RABEP1: variants seen among roughly 807,000 people sequenced by gnomAD.
RABEP1 encodes rabaptin, RAB GTPase binding effector protein 1.
In RABEP1, 51 loss-of-function variants were observed where a neutral mutation model predicts 123.4. The ratio of observed to expected loss-of-function variants is 0.41; its 90% CI spans 0.33 to 0.52. The LOEUF (loss-of-function observed/expected upper bound fraction) is 0.52. Among genes scored for constraint, RABEP1 ranks in the 20% least tolerant of loss-of-function variants. RABEP1 has a pLI of 0.16. For synonymous variants in RABEP1, 347 were observed against 355.2 expected, an observed-to-expected ratio of 0.98 and a Z score of 0.26; for missense variants, 888 against 996.3, an observed-to-expected ratio of 0.89 and a Z score of 1.46.
intron 13 of RABEP1, among the ~76,000 whole-genome samples, chr17:5,375,407 G>A (rs756802382): frequency 1.3e-5 from 2 of 151,956 alleles, no homozygotes; most frequent in African/African-American, 2.4e-5. Flanking sequence ...AGAAGGTATC[G>A]GGGGCAGGGT....
chr17:5,325,448 GGTCTCACTT>G (rs1905878600), intron 2 of RABEP1, among the ~76,000 whole-genome samples: 1 of 152,106 alleles, frequency 6.6e-6, no homozygotes, highest in Non-Finnish European at 1.5e-5. Context: ...AGTATCACAT[GGTCTCACTT>G]GTGGAGGCTA....
At chr17:5,289,437 A>C in intron 1 of RABEP1, among the ~76,000 whole-genome samples, 1 of 145,808 alleles carries the variant, frequency 6.9e-6, no homozygotes, top group South Asian at 2.2e-4. Context: ...TTTTTTTTTA[A>C]ATTTATGGTT....
chr17:5,337,702 AATTT>A (rs1172643035), intron 4 of RABEP1, among the ~76,000 whole-genome samples: 3 of 152,130 alleles, frequency 2.0e-5, no homozygotes, highest in Admixed American at 6.6e-5. Context: ...CAAAAAAAAA[AATTT>A]ATTTATTATG....
chr17:5,337,281 C>T (rs996239219), intron 4 of RABEP1, among the ~76,000 whole-genome samples: 12 of 152,148 alleles, frequency 7.9e-5, no homozygotes, highest in Non-Finnish European at 5.9e-5. Context: ...AATTTTCTAA[C>T]ATTTTAGAAA....
intron 2 of RABEP1, among the ~76,000 whole-genome samples, chr17:5,311,796 G>A (rs542165835): frequency 1.3e-5 from 2 of 150,728 alleles, no homozygotes; most frequent in South Asian, 2.1e-4. Context: ...TCATTAAATC[G>A]TTAATCTCTG....
rs548281451 is a variant in RABEP1 at position 5,367,560 on chromosome 17, T to C, written c.1786-810T>C. Among the ~76,000 whole-genome samples, 114 of 145,722 alleles carry C rather than the reference T, an allele frequency of 7.8e-4. 1 individual carries two copies. Among genetic ancestry groups the C allele is most frequent in the East Asian group, 6.3e-3 (25 of 3,940 alleles). On this transcript the variant is annotated intron_variant, in intron 11 of 17. Coordinates refer to ENST00000537505, the MANE Select transcript of RABEP1 (RefSeq NM_004703.6). ...CTAGGATTACAGGCGTGAGTCACCG[T>C]GCCCAGCCAAGGGTAAAACTTTTTT... is the stretch of plus-strand genomic sequence containing the variant.
intron 15 of RABEP1, 101 bp downstream of exon 15, chr17:5,378,333 C>T (rs752325445): frequency 8.5e-7 from 1 of 1,182,780 alleles, no homozygotes. Flanking sequence ...AAGGCATGGG[C>T]CCTGCCTTAA....
At position 5,308,697 on chromosome 17, in the gene RABEP1, C is replaced by G. The variant is rs372045538; in HGVS notation, c.38C>G (p.Ser13Cys). 3.2e-5 allele frequency: 52 copies of G among 1,605,466 alleles called. No individual in the cohort carries two copies. The highest frequency in any genetic ancestry group is 4.1e-5 in the Non-Finnish European group (48 of 1,177,388). ...QPGPASQPDV[S>C]LQQRVAELEK... ...AACTAGTGTTTTTTTCCCCCAGTTT[C>G]TCTTCAGCAACGGGTAGCAGAATTG... Residue 13 changes from serine to cysteine, a missense_variant, in exon 2 of 18, where the codon TCT becomes TGT. Coordinates refer to ENST00000537505, the MANE Select transcript of RABEP1 (RefSeq NM_004703.6).
intron 13 of RABEP1, among the ~76,000 whole-genome samples, chr17:5,375,616 G>A (rs543262954): frequency 6.6e-6 from 1 of 152,150 alleles, no homozygotes; most frequent in East Asian, 1.9e-4. Flanking sequence ...GAGGTGGGAG[G>A]GGTCGCCTGA....
At chr17:5,320,955 A>G (rs563407956) in intron 2 of RABEP1, among the ~76,000 whole-genome samples, 11 of 152,346 alleles carry the variant, frequency 7.2e-5, no homozygotes, top group African/African-American at 2.4e-4. Flanking sequence ...CAGTTCTCCA[A>G]TTTAAAGCCT....
chr17:5,348,086 T>C (rs1908224023), intron 6 of RABEP1, among the ~76,000 whole-genome samples: 1 of 152,080 alleles, frequency 6.6e-6, no homozygotes, highest in South Asian at 2.1e-4. Context: ...CAAGTGATTC[T>C]CCTGCTTCAG....
At chr17:5,377,041 G>C in intron 13 of RABEP1, 75 bp from the exon 14 acceptor site, 1 of 1,437,528 alleles carries the variant, frequency 7.0e-7, no homozygotes. Context: ...TGAGATTCTG[G>C]TTACAGAAAA....
chr17:5,346,061 G>A (rs943807015), intron 5 of RABEP1, among the ~76,000 whole-genome samples: 3 of 152,058 alleles, frequency 2.0e-5, no homozygotes, highest in South Asian at 2.1e-4. Flanking sequence ...TTTTAAAGAT[G>A]TGGTTTTATT....
chr17:5,339,568 T>G (rs1228393046), intron 5 of RABEP1, among the ~76,000 whole-genome samples: 1 of 151,564 alleles, frequency 6.6e-6, no homozygotes, highest in East Asian at 1.9e-4. Context: ...GAGGCTGAGG[T>G]GGGTGGATCA....
At chr17:5,367,163 C>G (rs571819825) in intron 11 of RABEP1, among the ~76,000 whole-genome samples, 3 of 151,884 alleles carry the variant, frequency 2.0e-5, no homozygotes, top group Admixed American at 6.6e-5. Flanking sequence ...AAAAAGGAAT[C>G]TTTTCCTATG....
At chr17:5,311,852 A>G (rs1438955395) in intron 2 of RABEP1, among the ~76,000 whole-genome samples, 2 of 152,188 alleles carry the variant, frequency 1.3e-5, no homozygotes, top group Admixed American at 1.3e-4. Context: ...GTCAGCATCA[A>G]TTCTATTGTA....
chr17:5,343,834 C>T (rs1430104793), intron 5 of RABEP1, among the ~76,000 whole-genome samples: 1 of 151,704 alleles, frequency 6.6e-6, no homozygotes, highest in Admixed American at 6.6e-5. Flanking sequence ...CACCACTGCA[C>T]CTGGCTAATT....
At chr17:5,310,896 G>A (rs997637571) in intron 2 of RABEP1, among the ~76,000 whole-genome samples, 1 of 149,252 alleles carries the variant, frequency 6.7e-6, no homozygotes, top group African/African-American at 2.5e-5. Context: ...TGCAACCTCC[G>A]CCTCCTGGGT....
chr17:5,359,078 C>CT (rs112132875), intron 8 of RABEP1, among the ~76,000 whole-genome samples: 53,955 of 143,690 alleles, frequency 0.38, 10,516 homozygotes, highest in African/African-American at 0.52. Context: ...CTGATGTTTT[C>CT]TTTTTTTTTT....
Sources: allele counts gnomAD v4.1 joint callset (sites outside exome capture counted in the v4.1 genomes callset), GRCh38; gene constraint gnomAD v4.1.1; transcripts MANE v1.5; gene names NCBI Gene and HGNC (gene_info 2026-07-23, HGNC 2026-07-21).